Variants in OPCML observed in about 807,000 individuals in gnomAD.
OPCML encodes the protein opioid-binding protein/cell adhesion molecule.
A neutral mutation model predicts 37.8 loss-of-function variants in OPCML; 13 were observed. The ratio of observed to expected loss-of-function variants is 0.34; its 90% confidence interval spans 0.22 to 0.55. The LOEUF (loss-of-function observed/expected upper bound fraction) is 0.55. OPCML is among the 20% of genes least tolerant of loss of function. OPCML has a pLI of 0.91. For synonymous variants in OPCML, 176 were observed against 168.8 expected, an observed-to-expected ratio of 1.04 and a Z score of -0.33; for missense variants, 341 against 435.6, an observed-to-expected ratio of 0.78 and a Z score of 1.93.
intron 2 of OPCML, among the ~76,000 whole-genome samples, chr11:132,919,281 AG>A (rs1944708375): frequency 6.6e-6 from 1 of 152,140 alleles, no homozygotes; most frequent in South Asian, 2.1e-4. Context: ...GTTCTCAGAG[AG>A]GGGTCCTTGG....
intron 2 of OPCML, among the ~76,000 whole-genome samples, chr11:132,817,940 C>A (rs1486256988): frequency 6.6e-6 from 1 of 151,986 alleles, no homozygotes; most frequent in Non-Finnish European, 1.5e-5. Flanking sequence ...GAAGTAGTGA[C>A]CACAATATGG....
intron 1 of OPCML, among the ~76,000 whole-genome samples, chr11:133,261,160 C>A (rs1466532292): frequency 6.6e-6 from 1 of 152,176 alleles, no homozygotes; most frequent in East Asian, 1.9e-4. Context: ...AGATTAGAAC[C>A]ATTGCTAACT....
chr11:132,757,145 G>T (rs1946080399), intron 2 of OPCML, among the ~76,000 whole-genome samples: 1 of 152,032 alleles, frequency 6.6e-6, no homozygotes, highest in Non-Finnish European at 1.5e-5. Context: ...CTTTTTCATG[G>T]CTACATAGTA....
At chr11:133,204,920 T>TGTGTG (rs1938997290) in intron 1 of OPCML, among the ~76,000 whole-genome samples, 1 of 110,634 alleles carries the variant, frequency 9.0e-6, no homozygotes, top group African/African-American at 3.0e-5. Flanking sequence ...ACATACACAT[T>TGTGTG]TAGATATGGT....
intron 1 of OPCML, among the ~76,000 whole-genome samples, chr11:132,964,479 C>T (rs1340658876): frequency 6.6e-6 from 1 of 152,168 alleles, no homozygotes; most frequent in African/African-American, 2.4e-5. Context: ...CCTTAGTTTT[C>T]TCACCTGAAA....
intron 1 of OPCML, among the ~76,000 whole-genome samples, chr11:133,119,782 T>C (rs954623688): frequency 2.6e-5 from 4 of 152,126 alleles, no homozygotes; most frequent in African/African-American, 9.7e-5. Context: ...GAGGCTCACG[T>C]GAAGTCAGGA....
rs929361129 is a variant in OPCML at position 132,999,812 on chromosome 11, G to A, written c.62-56802C>T. On this transcript the variant is annotated intron_variant, in intron 1 of 7. Transcript: ENST00000524381. ...AGCTTCAGGTGGTTCTGTTGGCAAC[G>A]TTGTGGAAAGGCGACAGGGGTCTAT... Among the ~76,000 whole-genome samples the A allele has an allele frequency of 2.5e-4, 38 of 152,226 alleles. 1 individual carries two copies. Among genetic ancestry groups the A allele is most frequent in the South Asian group, 1.9e-3 (9 of 4,830 alleles).
chr11:132,770,628 T>TA (rs1193439932), intron 2 of OPCML, among the ~76,000 whole-genome samples: 1 of 151,742 alleles, frequency 6.6e-6, no homozygotes, highest in African/African-American at 2.4e-5. Context: ...AGGTTAGGCT[T>TA]AAAAAAAATA....
Position 133,402,957 on chromosome 11 carries a change from T to A in OPCML, c.61+129307A>T, listed in dbSNP as rs796901054. Among the ~76,000 whole-genome samples the A allele has an allele frequency of 3.9e-5, 6 of 152,264 alleles. No homozygotes were observed. The South Asian group carries it at 1.2e-3, about 32-fold the overall frequency. On this transcript the variant is annotated intron_variant, in intron 1 of 7. Coordinates refer to ENST00000524381, the MANE Select transcript of OPCML (RefSeq NM_001012393.5). The stretch of plus-strand genomic sequence containing the variant: ...GGTCTGGAATATGAATCCAGGAAAA[T>A]CTTAAATTAGGATTCCTACTGGAAG...
chr11:132,438,743 T>C (rs892300141), intron 4 of OPCML, among the ~76,000 whole-genome samples: 1 of 151,376 alleles, frequency 6.6e-6, no homozygotes, highest in African/African-American at 2.4e-5. Context: ...GGTGGGCTAG[T>C]GTGTAGTGTG....
rs560433778 is a variant in OPCML at position 132,911,898 on chromosome 11, G to A, written c.146+31028C>T. Among the ~76,000 whole-genome samples, 384 of 152,282 alleles carry A rather than the reference G, an allele frequency of 2.5e-3. 3 individuals are homozygous for A. Among genetic ancestry groups the A allele is most frequent in the African/African-American group, 8.9e-3 (372 of 41,566 alleles). ...TGCTGTCACCCAGGGACACACAGGA[G>A]CTTAGATTCAGAATGCACAGAGCTG... is the stretch of plus-strand genomic sequence containing the variant. On this transcript the variant is annotated intron_variant, in intron 2 of 7. Coordinates refer to ENST00000524381, the MANE Select transcript of OPCML (RefSeq NM_001012393.5).
chr11:132,954,755 G>A (rs966578898), intron 1 of OPCML, among the ~76,000 whole-genome samples: 3 of 152,168 alleles, frequency 2.0e-5, no homozygotes, highest in Admixed American at 6.5e-5. Context: ...CTGAGCAAGA[G>A]CAGGAGTGAG....
chr11:132,850,517 GT>G (rs370548643), intron 2 of OPCML, among the ~76,000 whole-genome samples: 5 of 53,052 alleles, frequency 9.4e-5, no homozygotes, highest in East Asian at 5.3e-4. Context: ...TGTGGAAAGG[GT>G]GTGTGTGTGT....
chr11:132,583,293 T>TTTTG (rs761566194), intron 3 of OPCML, among the ~76,000 whole-genome samples: 55 of 152,032 alleles, frequency 3.6e-4, no homozygotes, highest in South Asian at 2.3e-3. Context: ...TTAGGCTATT[T>TTTTG]TTTGTTTGTT....
chr11:132,571,916 C>T (rs969806889), intron 3 of OPCML, among the ~76,000 whole-genome samples: 1 of 152,164 alleles, frequency 6.6e-6, no homozygotes, highest in Non-Finnish European at 1.5e-5. Flanking sequence ...AAATCCCCCA[C>T]ATCCTCACAA....
intron 2 of OPCML, among the ~76,000 whole-genome samples, chr11:132,676,189 G>A (rs1164438837): frequency 6.6e-6 from 1 of 152,044 alleles, no homozygotes; most frequent in African/African-American, 2.4e-5. Context: ...ATTGAATAGG[G>A]GAAATAATAG....
At chr11:133,269,368 C>G (rs1018710644) in intron 1 of OPCML, among the ~76,000 whole-genome samples, 2 of 152,156 alleles carry the variant, frequency 1.3e-5, no homozygotes, top group Non-Finnish European at 2.9e-5. Context: ...AAGGGACTTT[C>G]CTCAAAGAAC....
At chr11:133,322,597 A>C (rs1486513157) in intron 1 of OPCML, among the ~76,000 whole-genome samples, 3 of 151,370 alleles carry the variant, frequency 2.0e-5, no homozygotes, top group African/African-American at 7.3e-5. Context: ...GAACAACCAC[A>C]AAAAAAAAGA....
chr11:132,880,288 C>G (rs928623298), intron 2 of OPCML, among the ~76,000 whole-genome samples: 1 of 152,196 alleles, frequency 6.6e-6, no homozygotes, highest in African/African-American at 2.4e-5. Context: ...CAAACCACCA[C>G]GGCTCTCTTG....
Sources: allele counts gnomAD v4.1 joint callset (sites outside exome capture counted in the v4.1 genomes callset), GRCh38; gene constraint gnomAD v4.1.1; transcripts MANE v1.5; gene names NCBI Gene and HGNC (gene_info 2026-07-23, HGNC 2026-07-21).